The following CNNM1 variants were observed in gnomAD, a reference collection of about 807,000 sequenced individuals.
CNNM1 encodes the protein cyclin and CBS domain divalent metal cation transport mediator 1.
Under a neutral mutation model 78.8 loss-of-function variants are expected in CNNM1, and 44 were observed. The observed-to-expected ratio is 0.56, with a 90% CI of 0.44 to 0.72. CNNM1 has a LOEUF of 0.72. CNNM1 is among the 30% of genes least tolerant of loss of function. The pLI is 0.00. For missense variants in CNNM1, 1,101 were observed against 1,292.2 expected (o/e 0.85, Z 2.27); for synonymous variants, 584 against 581.5 (o/e 1.00, Z -0.06).
intron 1 of CNNM1, among the ~76,000 whole-genome samples, chr10:99,337,486 T>A (rs1304289944): frequency 6.6e-6 from 1 of 152,236 alleles, no homozygotes; most frequent in Non-Finnish European, 1.5e-5. Flanking sequence ...TGCACTTCTG[T>A]CAGGAATATG....
chr10:99,362,748 C>T (rs1467631924), intron 4 of CNNM1, among the ~76,000 whole-genome samples: 1 of 152,120 alleles, frequency 6.6e-6, no homozygotes, highest in African/African-American at 2.4e-5. Context: ...AATGAAACTG[C>T]CCACTGCCTC....
intron 1 of CNNM1, among the ~76,000 whole-genome samples, chr10:99,338,467 C>T (rs548238669): frequency 2.2e-4 from 33 of 152,030 alleles, no homozygotes; most frequent in African/African-American, 7.7e-4. Context: ...TTAGTAGAGA[C>T]GAGGTTTCAC....
In CNNM1 at chr10:99,356,553, AC is replaced by A. The variant is rs1564947059; in HGVS notation, c.1574-958del. Among the ~76,000 whole-genome samples the A allele has an allele frequency of 9.8e-3, 1,145 of 116,696 alleles. 14 individuals are homozygous for A. The highest frequency in any genetic ancestry group is 0.037 in the African/African-American group (1,025 of 28,054). The allele number at this position is 116,696 out of a possible 152,430, so 76.6% of individuals were successfully genotyped here. A position where few individuals can be genotyped will look rare whatever the true frequency, so the allele number is the denominator to read the frequency against. On this transcript the variant is annotated intron_variant, in intron 1 of 10. Coordinates refer to ENST00000356713, the MANE Select transcript of CNNM1 (RefSeq NM_020348.3). ...GAAAGAAAGAAAGACAGACAGACAG[AC>A]AGACAGACAGAAAGAAAGAAAGAAA...
At chr10:99,373,499 C>T (rs2031868073) in intron 6 of CNNM1, among the ~76,000 whole-genome samples, 1 of 152,196 alleles carries the variant, frequency 6.6e-6, no homozygotes, top group Non-Finnish European at 1.5e-5. Context: ...CAGACTTATC[C>T]AGCCACCACC....
intron 1 of CNNM1, among the ~76,000 whole-genome samples, chr10:99,344,081 C>T (rs2030575986): frequency 6.6e-6 from 1 of 150,460 alleles, no homozygotes; most frequent in African/African-American, 2.4e-5. Context: ...CCTTGTAATC[C>T]CAGCACTTTG....
intron 1 of CNNM1, among the ~76,000 whole-genome samples, chr10:99,336,978 G>A (rs1374610067): frequency 6.6e-6 from 1 of 152,144 alleles, no homozygotes; most frequent in Non-Finnish European, 1.5e-5. Context: ...TGCCTGGGTT[G>A]ATACTGGCCC....
At chr10:99,356,688 A>G (rs1055934785) in intron 1 of CNNM1, among the ~76,000 whole-genome samples, 2 of 152,104 alleles carry the variant, frequency 1.3e-5, no homozygotes, top group African/African-American at 4.8e-5. Flanking sequence ...GAGTGAGACA[A>G]GGGGCTGGAT....
intron 9 of CNNM1, among the ~76,000 whole-genome samples, chr10:99,389,805 TG>T (rs2032418267): frequency 6.6e-6 from 1 of 152,130 alleles, no homozygotes; most frequent in Non-Finnish European, 1.5e-5. Context: ...TTTGCATTGG[TG>T]GTAAGGCTTG....
At chr10:99,388,566 G>C (rs4917862) in intron 9 of CNNM1, among the ~76,000 whole-genome samples, 2 of 152,050 alleles carry the variant, frequency 1.3e-5, no homozygotes, top group Admixed American at 1.3e-4. Flanking sequence ...TGGCTCCTTC[G>C]TTTAGGAGTT....
At chr10:99,367,384 G>T (rs1033911046) in intron 6 of CNNM1, among the ~76,000 whole-genome samples, 3 of 152,110 alleles carry the variant, frequency 2.0e-5, no homozygotes, top group African/African-American at 7.2e-5. Context: ...GAAGTCTCTG[G>T]CTTTCCTGCA....
chr10:99,391,640 A>C lies in CNNM1; in HGVS notation c.*124A>C. ...GACAGAATGTTCTGCCTTCCCTTCC[A>C]TCTCTTCACCCCTAGCTGTCAGTTT... is the stretch of plus-strand genomic sequence containing the variant. On this transcript the variant is annotated 3_prime_UTR_variant, in exon 11 of 11. Transcript: ENST00000356713. 1.3e-6 allele frequency: 1 copy of C among 765,664 alleles called. No individual in the cohort carries two copies. The highest frequency in any genetic ancestry group is 2.1e-6 in the Non-Finnish European group (1 of 466,236). The allele number at this position is 765,664 out of a possible 1,614,324, so 47.4% of individuals were successfully genotyped here.
intron 1 of CNNM1, among the ~76,000 whole-genome samples, chr10:99,344,639 T>C (rs947738646): frequency 1.3e-5 from 2 of 152,100 alleles, no homozygotes; most frequent in African/African-American, 4.8e-5. Context: ...TATCCTGTTA[T>C]CAGTTAGAAT....
At chr10:99,367,661 T>C (rs780752944) in intron 6 of CNNM1, among the ~76,000 whole-genome samples, 1 of 152,246 alleles carries the variant, frequency 6.6e-6, no homozygotes, top group Non-Finnish European at 1.5e-5. Flanking sequence ...ACATCTCATG[T>C]CAGAGCAAAG....
chr10:99,390,022 CCAAA>C (rs779017367), intron 9 of CNNM1, among the ~76,000 whole-genome samples: 2 of 152,180 alleles, frequency 1.3e-5, no homozygotes, highest in African/African-American at 4.8e-5. Flanking sequence ...CTCTCTCTTG[CCAAA>C]CAGTGTTTGA....
Position 99,330,438 on chromosome 10 carries a change from G to T in CNNM1, c.1051G>T (p.Gly351Trp). 1 of 1,591,632 alleles carries T rather than the reference G, an allele frequency of 6.3e-7. No homozygotes were observed. The highest frequency in any genetic ancestry group is 2.3e-5 in the East Asian group (1 of 43,584). Residue 351 changes from glycine (G) to tryptophan (W), a missense_variant, in exon 1 of 11, where the codon GGG becomes TGG. Transcript: ENST00000356713. ...CCCCTACTCAGTGTGTTCGCGGCAC[G>T]GGCTGGCCATCGCCTCGCACAGCGT... Reference protein sequence around the residue: ...ICPYSVCSRHGLAIASHSVCL... With the variant: ...ICPYSVCSRHWLAIASHSVCL...
At position 99,362,353 on chromosome 10, in the gene CNNM1, A is replaced by G; in HGVS notation, c.1985A>G (p.Tyr662Cys). ...AAGAAGGCCCCGGAACACTACCTCT[A>G]CCAGCGCAACCGCCCTGTGGACTAC... ...KNKKAPEHYLYQRNRPVDYFV... is the reference protein window; with the variant it reads ...KNKKAPEHYLCQRNRPVDYFV... Residue 662 changes from tyrosine (Y) to cysteine (C), a missense_variant, in exon 4 of 11, where the codon TAC (tyrosine) becomes TGC (cysteine). This residue lies in a region of CNNM1 where 348 missense variants were observed against 384.5 expected (regional missense o/e 0.90). Transcript: ENST00000356713. 1 of 1,613,972 alleles carries G rather than the reference A, an allele frequency of 6.2e-7. No homozygotes were observed. The highest frequency in any genetic ancestry group is 8.5e-7 in the Non-Finnish European group (1 of 1,179,856).
intron 9 of CNNM1, among the ~76,000 whole-genome samples, chr10:99,389,120 A>C (rs2032393337): frequency 6.6e-6 from 1 of 152,320 alleles, no homozygotes; most frequent in East Asian, 1.9e-4. Context: ...AAGTGCTCCA[A>C]GATTTTTAAA....
chr10:99,364,341 C>A, intron 4 of CNNM1, 76 bp from the exon 5 acceptor site: 1 of 1,077,750 alleles, frequency 9.3e-7, no homozygotes, highest in Non-Finnish European at 1.4e-6. Flanking sequence ...AGCAGAAATG[C>A]TTAGGATTCG....
At chr10:99,362,433 G>A (rs1024244354) in intron 4 of CNNM1, 37 bp downstream of exon 4, 9 of 1,591,322 alleles carry the variant, frequency 5.7e-6, no homozygotes, top group Non-Finnish European at 6.8e-6. Flanking sequence ...GAGAGCCAGA[G>A]GAGGGCATCT....
Sources: gnomAD v4.1 joint callset for allele counts (sites outside exome capture counted in the v4.1 genomes callset) on GRCh38, gnomAD v4.1.1 for gene constraint, gnomAD v4.1.1 regional missense constraint, MANE v1.5 for transcripts, NCBI Gene and HGNC (gene_info 2026-07-23, HGNC 2026-07-21) for gene names.